Variants in GRIK2 observed in about 807,000 individuals in gnomAD.
GRIK2 encodes the protein glutamate receptor ionotropic, kainate 2.
In GRIK2, 32 loss-of-function variants were observed where a neutral mutation model predicts 100.3. That is an observed-to-expected ratio of 0.32 (90% CI 0.24 to 0.43). The LOEUF is 0.43. Ranked by LOEUF, GRIK2 falls within the 20% of genes least tolerant of loss-of-function variation. GRIK2 has a pLI of 1.00. For synonymous variants in GRIK2, 417 were observed against 389.4 expected, an observed-to-expected ratio of 1.07 and a Z score of -0.83; for missense variants, 843 against 1,114.9, an observed-to-expected ratio of 0.76 and a Z score of 3.47.
At chr6:101,961,880 C>T (rs1456142885) in intron 14 of GRIK2, among the ~76,000 whole-genome samples, 1 of 152,102 alleles carries the variant, frequency 6.6e-6, no homozygotes, top group Non-Finnish European at 1.5e-5. Flanking sequence ...AGCTGAGACT[C>T]TTTGGGTAGG....
At chr6:101,552,832 T>C (rs1434423944) in intron 2 of GRIK2, among the ~76,000 whole-genome samples, 1 of 152,198 alleles carries the variant, frequency 6.6e-6, no homozygotes, top group African/African-American at 2.4e-5. Context: ...AGGCATCCTT[T>C]TACTGTTTCA....
chr6:101,846,537 A>G (rs974928293), intron 10 of GRIK2, among the ~76,000 whole-genome samples: 1 of 152,050 alleles, frequency 6.6e-6, no homozygotes. Flanking sequence ...GAAAGAATGG[A>G]CAAGAAGGTG....
At chr6:101,979,346 T>C (rs932689667) in intron 14 of GRIK2, among the ~76,000 whole-genome samples, 6 of 151,846 alleles carry the variant, frequency 4.0e-5, no homozygotes, top group African/African-American at 1.2e-4. Context: ...AGGGCAATGA[T>C]AGAAAAAGAG....
intron 2 of GRIK2, among the ~76,000 whole-genome samples, chr6:101,420,199 T>G (rs1418968905): frequency 6.6e-6 from 1 of 152,182 alleles, no homozygotes; most frequent in Admixed American, 6.6e-5. Context: ...GATAAGTTAT[T>G]TACCTGGGGC....
intron 2 of GRIK2, among the ~76,000 whole-genome samples, chr6:101,483,865 C>CG: frequency 6.6e-6 from 1 of 152,288 alleles, no homozygotes; most frequent in East Asian, 1.9e-4. Context: ...CCACCATGCC[C>CG]GGACCCTGTG....
chr6:101,578,686 C>G (rs764591068), intron 2 of GRIK2, among the ~76,000 whole-genome samples: 1 of 152,094 alleles, frequency 6.6e-6, no homozygotes, highest in Non-Finnish European at 1.5e-5. Context: ...TTCCCACCTT[C>G]CCCACCTGAA....
At chr6:101,795,493 G>A (rs1780235297) in intron 7 of GRIK2, among the ~76,000 whole-genome samples, 1 of 152,210 alleles carries the variant, frequency 6.6e-6, no homozygotes, top group African/African-American at 2.4e-5. Flanking sequence ...GTGGGCTCAG[G>A]TGGGCCAATT....
intron 2 of GRIK2, among the ~76,000 whole-genome samples, chr6:101,419,269 T>A (rs1402177444): frequency 6.6e-6 from 1 of 152,230 alleles, no homozygotes; most frequent in Non-Finnish European, 1.5e-5. Flanking sequence ...TACAGTTCTT[T>A]CTACCTACAA....
At chr6:101,565,915 T>TTATATATATATATA (rs71797313) in intron 2 of GRIK2, among the ~76,000 whole-genome samples, 56 of 123,270 alleles carry the variant, frequency 4.5e-4, no homozygotes, top group South Asian at 1.0e-3. Flanking sequence ...TATACCTATT[T>TTATATATATATATA]TATATATATA....
chr6:101,977,477 C>T (rs1424262465), intron 14 of GRIK2, among the ~76,000 whole-genome samples: 4 of 151,894 alleles, frequency 2.6e-5, no homozygotes, highest in African/African-American at 4.8e-5. Flanking sequence ...CTCATGACTA[C>T]GTGGGCATTC....
chr6:101,595,629 TACAC>T (rs1439263134), intron 2 of GRIK2, among the ~76,000 whole-genome samples: 1 of 150,652 alleles, frequency 6.6e-6, no homozygotes, highest in Non-Finnish European at 1.5e-5. Context: ...TGTGTATGCA[TACAC>T]ACACAGACAT....
chr6:102,011,577 C>CTTTTTTTTTTTTTTTTTTTTTTTTTT (rs763369559), intron 14 of GRIK2, among the ~76,000 whole-genome samples: 1 of 76,650 alleles, frequency 1.3e-5, no homozygotes, highest in Non-Finnish European at 2.2e-5. Context: ...CTTTCTTTTC[C>CTTTTTTTTTTTTTTTTTTTTTTTTTT]TTTTTTTTTT....
chr6:101,902,639 T>A (rs553842635), intron 12 of GRIK2, among the ~76,000 whole-genome samples: 12 of 152,068 alleles, frequency 7.9e-5, no homozygotes, highest in African/African-American at 2.6e-4. Context: ...TGAATATTAA[T>A]GTTTTCTTAA....
intron 11 of GRIK2, among the ~76,000 whole-genome samples, chr6:101,878,232 C>T (rs1311264928): frequency 6.6e-6 from 1 of 151,076 alleles, no homozygotes; most frequent in Non-Finnish European, 1.5e-5. Flanking sequence ...AGGCATCTCA[C>T]TTCCTCAACC....
chr6:101,970,181 T>C (rs1792953288), intron 14 of GRIK2, among the ~76,000 whole-genome samples: 1 of 151,262 alleles, frequency 6.6e-6, no homozygotes, highest in Admixed American at 6.6e-5. Context: ...ATCAATCAAA[T>C]CTAATGCCAA....
rs533308185 is a variant in GRIK2 at position 101,555,757 on chromosome 6, G to A, written c.116-66192G>A. On this transcript the variant is annotated intron_variant, in intron 2 of 16. Transcript: ENST00000369134. ...TAAAGTGGAAAAACATTATGCATTTGATCTTTTTGATTGCATTACTCAATT... is the reference window on the plus strand; with the variant it reads ...TAAAGTGGAAAAACATTATGCATTTAATCTTTTTGATTGCATTACTCAATT... 2.0e-5 allele frequency among the ~76,000 whole-genome samples: 3 copies of A among 152,160 alleles called. No homozygotes were observed. In the South Asian group the frequency reaches 6.2e-4, roughly 32 times the overall value.
At chr6:101,474,109 A>G (rs2128257604) in intron 2 of GRIK2, among the ~76,000 whole-genome samples, 1 of 151,998 alleles carries the variant, frequency 6.6e-6, no homozygotes, top group East Asian at 1.9e-4. Context: ...TGGAGTGAAG[A>G]GACAGAAAAG....
chr6:101,689,813 C>G (rs1771961642), intron 7 of GRIK2, among the ~76,000 whole-genome samples: 1 of 152,060 alleles, frequency 6.6e-6, no homozygotes, highest in Admixed American at 6.6e-5. Context: ...GACATAAACC[C>G]CTTATTGTAA....
At chr6:101,572,505 G>A (rs1777585518) in intron 2 of GRIK2, among the ~76,000 whole-genome samples, 1 of 152,052 alleles carries the variant, frequency 6.6e-6, no homozygotes, top group Admixed American at 6.6e-5. Flanking sequence ...ATTAAAAAGA[G>A]GGGAACAAAT....
Sources: gnomAD v4.1 joint callset for allele counts (sites outside exome capture counted in the v4.1 genomes callset) on GRCh38, gnomAD v4.1.1 for gene constraint, MANE v1.5 for transcripts, NCBI Gene and HGNC (gene_info 2026-07-23, HGNC 2026-07-21) for gene names.